Variants in SNORC observed in about 807,000 individuals in gnomAD.
SNORC encodes protein SNORC.
A neutral mutation model predicts 9.7 loss-of-function variants in SNORC; 11 were observed. The observed-to-expected ratio is 1.14, with a 90% CI of 0.72 to 1.88. The LOEUF (loss-of-function observed/expected upper bound fraction) is 1.88. Ranked by LOEUF, SNORC falls within the 40% of genes most tolerant of loss-of-function variation. SNORC has a pLI of 0.00. For synonymous variants in SNORC, 108 were observed against 88.7 expected, an observed-to-expected ratio of 1.22 and a Z score of -1.22; for missense variants, 197 against 173.1, an observed-to-expected ratio of 1.14 and a Z score of -0.77.
intron 1 of SNORC, chr2:232,875,694 C>T (rs1264395645): frequency 5.4e-6 from 3 of 560,674 alleles, no homozygotes; most frequent in East Asian, 3.2e-5. Context: ...CAGAGAAGGG[C>T]TTTGTGGGGG....
In SNORC at chr2:232,873,250, C is replaced by A. The variant is rs181136802; in HGVS notation, c.74-2690C>A. 3.0e-3 allele frequency among the ~76,000 whole-genome samples: 459 copies of A among 152,326 alleles called. 1 individual carries two copies. Among genetic ancestry groups the A allele is most frequent in the African/African-American group, 0.011 (444 of 41,570 alleles). ...GCATGGAGCAAGGATAGGCCCCAGC[C>A]CTCCTGATTAGAAAGCTTCATGGCC... On this transcript the variant is annotated intron_variant, in intron 1 of 2. Coordinates refer to ENST00000331342, the Ensembl canonical transcript of SNORC.
At chr2:232,876,627 GCGCGCGCAGGGCCGCGCGGCT>G, downstream of SNORC, 1 of 1,050,796 alleles carries the variant, frequency 9.5e-7, no homozygotes, top group Non-Finnish European at 1.1e-6. The surrounding 1 kb of genome is among the most constrained non-coding windows in gnomAD (Gnocchi z 6.8). Flanking sequence ...GTGCACCTGA[GCGCGCGCAGGGCCGCGCGGCT>G]CGGCGTCCCC....
At chr2:232,878,255 ACT>A (rs1691351303), downstream of SNORC, 1 of 152,720 alleles carries the variant, frequency 6.5e-6, no homozygotes, top group East Asian at 1.9e-4. Context: ...CCCTCAGCAC[ACT>A]GAGGTGGAGC....
At chr2:232,874,734 G>C (rs1691153615) in intron 1 of SNORC, among the ~76,000 whole-genome samples, 1 of 152,212 alleles carries the variant, frequency 6.6e-6, no homozygotes, top group Non-Finnish European at 1.5e-5. Flanking sequence ...AACCCGCAGG[G>C]ACAAAAGGTG....
At position 232,876,337 on chromosome 2, in the gene SNORC, G is replaced by A; in HGVS notation, c.347G>A (p.Arg116Lys). The stretch of plus-strand genomic sequence containing the variant: ...CTGGCGCTCGTGGTCGTCGCGCTGA[G>A]AAAGTTTTCTGCCTCCTGAAGCGAA... The change falls in exon 3 of 3, where the codon AGA (arginine) becomes AAA (lysine). Residue 116 changes from arginine to lysine, a missense_variant. Arg to Lys is a conservative substitution (Grantham distance 26). Coordinates refer to ENST00000331342, the Ensembl canonical transcript of SNORC. The surrounding 1 kb of genome is among the most constrained non-coding windows in gnomAD (Gnocchi z 6.8). 6.5e-7 allele frequency: 1 copy of A among 1,542,756 alleles called. No individual in the cohort carries two copies. Among genetic ancestry groups the A allele is most frequent in the Non-Finnish European group, 8.7e-7 (1 of 1,147,920 alleles).
chr2:232,875,190 T>C (rs1277783315), intron 1 of SNORC, among the ~76,000 whole-genome samples: 1 of 152,156 alleles, frequency 6.6e-6, no homozygotes, highest in Non-Finnish European at 1.5e-5. Context: ...AATACAAAAA[T>C]TAGCTGGGTG....
chr2:232,876,947 C>T, downstream of SNORC: 3 of 985,416 alleles, frequency 3.0e-6, no homozygotes, highest in Non-Finnish European at 3.6e-6. This position sits in a 1 kb window ranked among gnomAD's most constrained non-coding sequence, Gnocchi z 6.8. Flanking sequence ...CAGGAGAGGC[C>T]GACAGAGACC....
upstream of SNORC, chr2:232,869,735 C>T (rs953846439): frequency 6.3e-6 from 1 of 157,794 alleles, no homozygotes; most frequent in Admixed American, 6.2e-5. Context: ...CTAGAGCTGC[C>T]TGAGGGTTTG....
At chr2:232,877,054 C>CTG (rs1553542291), downstream of SNORC, 1 of 985,656 alleles carries the variant, frequency 1.0e-6, no homozygotes, top group African/African-American at 1.7e-5. Flanking sequence ...CGTCTTGACT[C>CTG]TGAGTCCTGC....
At chr2:232,870,653 TG>T (rs1016921767) in intron 1 of SNORC, among the ~76,000 whole-genome samples, 4 of 152,112 alleles carry the variant, frequency 2.6e-5, no homozygotes, top group East Asian at 1.9e-4. Context: ...GAGGACAACT[TG>T]GGGGGCAGGC....
chr2:232,867,858 G>A (rs1027756835), upstream of SNORC, among the ~76,000 whole-genome samples: 19 of 152,094 alleles, frequency 1.2e-4, no homozygotes, highest in African/African-American at 3.4e-4. Flanking sequence ...TCTCCTTTCC[G>A]CCAGTGCCCA....
rs755367305 is a variant in SNORC, at chr2:232,870,385, C to T, written c.44C>T (p.Ser15Phe). The T allele has an allele frequency of 2.5e-6, 4 of 1,572,416 alleles. No individual in the cohort carries two copies. In the South Asian group the frequency reaches 4.7e-5, roughly 18 times the overall value. Residue 15 changes from serine (S) to phenylalanine (F), a missense_variant, in exon 1 of 3, where the codon TCC becomes TTC. Ser to Phe is a radical substitution (Grantham distance 155). Transcript: ENST00000331342. ...CTGCGCATGGCGCTGCTGCTGGTCTCCGGGGTTCTGGCCCCTGCGGTGCTC... is the reference window on the plus strand; with the variant it reads ...CTGCGCATGGCGCTGCTGCTGGTCTTCGGGGTTCTGGCCCCTGCGGTGCTC...
intron 1 of SNORC, among the ~76,000 whole-genome samples, chr2:232,873,856 G>A (rs549442470): frequency 6.6e-6 from 1 of 152,352 alleles, no homozygotes; most frequent in South Asian, 2.1e-4. Context: ...TTCAAGGTTT[G>A]CGGGAGGCTA....
chr2:232,870,199 G>A (rs1327476398), upstream of SNORC: 3 of 730,396 alleles, frequency 4.1e-6, no homozygotes, highest in Admixed American at 2.1e-5. Context: ...GTGGGGAGGT[G>A]CGGGCACGAT....
Position 232,876,245 on chromosome 2 carries a change from A to G in SNORC, c.257-2A>G. 4 of 1,503,418 alleles carry G rather than the reference A, an allele frequency of 2.7e-6. No individual in the cohort carries two copies. The highest frequency in any genetic ancestry group is 2.6e-6 in the Non-Finnish European group (3 of 1,132,170). 93.1% of individuals were successfully genotyped at this position (1,503,418 alleles called of 1,614,324 possible). On this transcript the variant is annotated splice_acceptor_variant, in intron 2 of 2. Transcript: ENST00000331342. LOFTEE classifies it high-confidence loss of function. The surrounding 1 kb of genome is among the most constrained non-coding windows in gnomAD (Gnocchi z 6.8). ...GGTGACATGGTCCTCCGTCCTCCGCAGGGTCGCTGGGGCCCGGCGCTATCG... is the reference window on the plus strand; with the variant it reads ...GGTGACATGGTCCTCCGTCCTCCGCGGGGTCGCTGGGGCCCGGCGCTATCG...
intron 1 of SNORC, 109 bp downstream of exon 1, chr2:232,870,523 G>A: frequency 9.3e-7 from 1 of 1,075,578 alleles, no homozygotes. Flanking sequence ...TCTCACAGGA[G>A]ATGGGATGAC....
chr2:232,873,652 A>C (rs1263052808), intron 1 of SNORC, among the ~76,000 whole-genome samples: 1 of 152,144 alleles, frequency 6.6e-6, no homozygotes, highest in Non-Finnish European at 1.5e-5. Context: ...TCAGGCAGTC[A>C]GTGAGCCTAG....
At chr2:232,876,451 T>G, downstream of SNORC, 6 of 1,389,062 alleles carry the variant, frequency 4.3e-6, no homozygotes, top group Non-Finnish European at 5.6e-6. The surrounding 1 kb of genome is among the most constrained non-coding windows in gnomAD (Gnocchi z 6.8). Context: ...CATGCAGGTG[T>G]GCCAGAGCGT....
intron 1 of SNORC, among the ~76,000 whole-genome samples, 157 bp downstream of exon 1, chr2:232,870,571 G>T (rs1261724524): frequency 6.6e-6 from 1 of 152,226 alleles, no homozygotes; most frequent in South Asian, 2.1e-4. Flanking sequence ...TTGTGAGGCC[G>T]GCTGGCAGCA....
Sources: allele counts gnomAD v4.1 joint callset (sites outside exome capture counted in the v4.1 genomes callset), GRCh38; gene constraint gnomAD v4.1.1; non-coding constraint Gnocchi (gnomAD v3.1); transcripts MANE v1.5; gene names NCBI Gene and HGNC (gene_info 2026-07-23, HGNC 2026-07-21).